The following TSBP1 variants were observed in gnomAD, a reference collection of about 807,000 sequenced individuals.
The protein encoded by TSBP1 is testis-expressed basic protein 1.
TSBP1 carries 56 observed loss-of-function variants against 68.8 expected under a neutral mutation model. That is an observed-to-expected ratio of 0.81 (90% CI 0.66 to 1.02). The LOEUF is 1.02. Ranked by LOEUF, TSBP1 falls within the 50% of genes least tolerant of loss-of-function variation. The pLI is 0.00. For missense variants in TSBP1, 502 were observed against 641.2 expected (o/e 0.78, Z 2.34); for synonymous variants, 171 against 208.7 (o/e 0.82, Z 1.56).
chr6:32,310,585 T>G (rs1277780870), intron 19 of TSBP1, among the ~76,000 whole-genome samples: 1 of 150,986 alleles, frequency 6.6e-6, no homozygotes, highest in Non-Finnish European at 1.5e-5. Flanking sequence ...AAACTGTGAT[T>G]AATAATATTT....
chr6:32,331,907 G>A (rs2127599540), intron 15 of TSBP1, 127 bp downstream of exon 16: 1 of 746,942 alleles, frequency 1.3e-6, no homozygotes, highest in Non-Finnish European at 2.3e-6. Context: ...TACGATATGG[G>A]GAAATGAAAG....
rs1170718476 is a variant in TSBP1 at position 32,355,008 on chromosome 6, GTTAA to G, written c.259+112_259+115del. 22 of 758,244 alleles carry G rather than the reference GTTAA, an allele frequency of 2.9e-5. No individual in the cohort carries two copies. In the East Asian group the frequency reaches 3.8e-4, roughly 13 times the overall value. The allele number at this position is 758,244 out of a possible 1,614,324, so 47.0% of individuals were successfully genotyped here. The stretch of plus-strand genomic sequence containing the variant: ...CACATCTAAGGTGTGATATACAAGT[GTTAA>G]TTATTTTTATACTTAATTTTAAAAA... On this transcript the variant is annotated intron_variant, in intron 8 of 22. Coordinates refer to ENST00000612031, the Ensembl canonical transcript of TSBP1.
At chr6:32,368,607 C>T (rs1312402048) in intron 3 of TSBP1, among the ~76,000 whole-genome samples, 175 bp downstream of exon 3, 1 of 152,190 alleles carries the variant, frequency 6.6e-6, no homozygotes, top group Non-Finnish European at 1.5e-5. Context: ...GCATTCAGTA[C>T]TGCTCAGAAA....
intron 6 of TSBP1, among the ~76,000 whole-genome samples, chr6:32,359,925 T>C (rs1562183153): frequency 1.3e-5 from 2 of 152,124 alleles, no homozygotes; most frequent in East Asian, 1.9e-4. Flanking sequence ...ATAAAAATTA[T>C]ATATATTTAA....
In TSBP1 at chr6:32,332,070, A is replaced by G; in HGVS notation, c.473-16T>C. On this transcript the variant is annotated splice_polypyrimidine_tract_variant and intron_variant, in intron 14 of 22. Coordinates refer to ENST00000612031, the Ensembl canonical transcript of TSBP1. ...GGAGTTTGCACTAAAAAGAAATTCA[A>G]ATTGGCATATTAGTACAGTTATTTG... The G allele has an allele frequency of 6.3e-7, 1 of 1,586,320 alleles. No individual in the cohort carries two copies. Among genetic ancestry groups the G allele is most frequent in the Non-Finnish European group, 8.7e-7 (1 of 1,155,718 alleles).
At chr6:32,364,788 G>A (rs1583181562) in intron 6 of TSBP1, among the ~76,000 whole-genome samples, 1 of 151,832 alleles carries the variant, frequency 6.6e-6, no homozygotes, top group Admixed American at 6.6e-5. Context: ...TTCTTTTAGT[G>A]GTGTCATGTT....
In TSBP1 at chr6:32,327,129, T is replaced by C. The variant is rs117915655; in HGVS notation, c.514+3460A>G. Among the ~76,000 whole-genome samples the C allele has an allele frequency of 6.7e-3, 1,023 of 152,246 alleles. 18 individuals carry two copies. Among genetic ancestry groups the C allele is most frequent in the East Asian group, 0.02 (103 of 5,188 alleles). ...GGTATTCTCCTTTATTCATTCCTTA[T>C]AGGAGTGGAGCAGCAGCTAAATAGA... On this transcript the variant is annotated intron_variant, in intron 16 of 22. Transcript: ENST00000612031.
chr6:32,330,709 C>T (rs908734925), intron 15 of TSBP1, 100 bp from the exon 17 acceptor site: 12 of 1,386,152 alleles, frequency 8.7e-6, no homozygotes, highest in East Asian at 5.1e-5. Flanking sequence ...CTCACTCTGT[C>T]GCCCAGGCTG....
chr6:32,370,336 A>T lies in TSBP1; in HGVS notation c.14-353T>A, dbSNP rs868046397. Among the ~76,000 whole-genome samples the T allele has an allele frequency of 3.2e-4, 48 of 150,296 alleles. 1 individual carries two copies. The highest frequency in any genetic ancestry group is 1.1e-3 in the African/African-American group (47 of 41,172). On this transcript the variant is annotated intron_variant, in intron 1 of 22. Transcript: ENST00000612031. ...GGTCTACGAAGCTATCCACTGGGGT[A>T]TGGGGAAAATATTAGAACTTCTATT...
chr6:32,317,928 C>T (rs928904904), intron 18 of TSBP1, among the ~76,000 whole-genome samples: 3 of 152,106 alleles, frequency 2.0e-5, no homozygotes, highest in South Asian at 2.1e-4. Flanking sequence ...ACGGAGCTAC[C>T]ATTCGACCCA....
At chr6:32,346,735 G>C (rs554159461) in intron 9 of TSBP1, among the ~76,000 whole-genome samples, 1 of 152,116 alleles carries the variant, frequency 6.6e-6, no homozygotes, top group African/African-American at 2.4e-5. Flanking sequence ...CTGCTTGGGT[G>C]GCTGAGGCAC....
At chr6:32,320,247 T>G (rs1466767550) in intron 18 of TSBP1, 1 of 456,674 alleles carries the variant, frequency 2.2e-6, no homozygotes, top group Non-Finnish European at 4.4e-6. Context: ...CTGTTTTGAC[T>G]TGGAATATTA....
chr6:32,332,969 C>G (rs1423224344), intron 14 of TSBP1, among the ~76,000 whole-genome samples: 1 of 151,724 alleles, frequency 6.6e-6, no homozygotes, highest in East Asian at 1.9e-4. Context: ...CTCTGATCGC[C>G]TGGTGACCTG....
At chr6:32,366,762 CAAAAAAAA>C (rs9257084) in intron 4 of TSBP1, among the ~76,000 whole-genome samples, 2 of 77,432 alleles carry the variant, frequency 2.6e-5, no homozygotes, top group African/African-American at 4.6e-5. Flanking sequence ...GACTCCGTCT[CAAAAAAAA>C]AAAAAAAAAA....
At chr6:32,367,347 G>A (rs750085457) in intron 4 of TSBP1, among the ~76,000 whole-genome samples, 116 of 152,118 alleles carry the variant, frequency 7.6e-4, no homozygotes, top group Non-Finnish European at 1.3e-3. Context: ...GTGTTGGGGC[G>A]TGAGGGTTAG....
chr6:32,326,808 T>G (rs1313210333), intron 16 of TSBP1, among the ~76,000 whole-genome samples: 2 of 152,218 alleles, frequency 1.3e-5, no homozygotes, highest in Non-Finnish European at 2.9e-5. Context: ...AGCGCTGTGC[T>G]GGGGAATATA....
At position 32,304,315 on chromosome 6, in the gene TSBP1, G is replaced by A. The variant is rs1286092519; in HGVS notation, c.581-1686C>T. On this transcript the variant is annotated intron_variant, in intron 19 of 22. Coordinates refer to ENST00000612031, the Ensembl canonical transcript of TSBP1. The surrounding 1 kb of genome is among the most constrained non-coding windows in gnomAD (Gnocchi z 4.8). ...CCAGAGGAAACTGAGAAAAACAGTA[G>A]GAGCTTACTGGTTGCTATTGGACCA... Among the ~76,000 whole-genome samples, 1 of 152,074 alleles carries A rather than the reference G, an allele frequency of 6.6e-6. No individual in the cohort carries two copies. The highest frequency in any genetic ancestry group is 1.5e-5 in the Non-Finnish European group (1 of 67,994).
In TSBP1 at chr6:32,365,014, C is replaced by T. The variant is rs3129919; in HGVS notation, c.217+1153G>A. On this transcript the variant is annotated intron_variant, in intron 6 of 22. Coordinates refer to ENST00000612031, the Ensembl canonical transcript of TSBP1. The surrounding 1 kb of genome is among the most constrained non-coding windows in gnomAD (Gnocchi z 4.3). ...GCTCAAGCAATCCTCCCACCTCAGC[C>T]TCCTGAGTAGCTGGGACTGCAGGTG... is the stretch of plus-strand genomic sequence containing the variant. Among the ~76,000 whole-genome samples the T allele has an allele frequency of 0.14, 21,203 of 151,732 alleles. 1,663 individuals are homozygous for T. The highest frequency in any genetic ancestry group is 0.17 in the Non-Finnish European group (11,808 of 67,940).
rs932007620 is a variant in TSBP1, at chr6:32,340,624, G to T, written c.350-986C>A. 3.3e-5 allele frequency among the ~76,000 whole-genome samples: 5 copies of T among 152,170 alleles called. No individual in the cohort carries two copies. Among genetic ancestry groups the T allele is most frequent in the Non-Finnish European group, 7.3e-5 (5 of 68,040 alleles). The stretch of plus-strand genomic sequence containing the variant: ...TATTTAATTTTGATCAATTATTAAT[G>T]ACTATCTGGAGATGACAAGAATTTT... On this transcript the variant is annotated intron_variant, in intron 9 of 22. Coordinates refer to ENST00000612031, the Ensembl canonical transcript of TSBP1. This position sits in a 1 kb window ranked among gnomAD's most constrained non-coding sequence, Gnocchi z 4.8.
Sources: gnomAD v4.1 joint callset for allele counts (sites outside exome capture counted in the v4.1 genomes callset) on GRCh38, gnomAD v4.1.1 for gene constraint, Gnocchi (gnomAD v3.1) non-coding constraint, MANE v1.5 for transcripts, NCBI Gene and HGNC (gene_info 2026-07-23, HGNC 2026-07-21) for gene names.